NMNAT1: variants seen among roughly 807,000 people sequenced by gnomAD.
The protein encoded by NMNAT1 is nicotinamide/nicotinic acid mononucleotide adenylyltransferase 1.
In NMNAT1, 11 loss-of-function variants were observed where a neutral mutation model predicts 16.7. The observed-to-expected ratio is 0.66, with a 90% CI of 0.41 to 1.09. NMNAT1 has a LOEUF of 1.09. Among genes scored for constraint, NMNAT1 ranks in the 50% least tolerant of loss-of-function variants. The pLI is 0.00. For missense variants in NMNAT1, 280 were observed against 332.3 expected (o/e 0.84, Z 1.22); for synonymous variants, 110 against 119.8 (o/e 0.92, Z 0.53).
chr1:9,952,973 A>G (rs1246674613), intron 1 of NMNAT1, among the ~76,000 whole-genome samples: 1 of 151,766 alleles, frequency 6.6e-6, no homozygotes, highest in East Asian at 2.0e-4. Flanking sequence ...CCTTTGATAT[A>G]GATTGTATGC....
chr1:9,982,861 A>C lies in NMNAT1; in HGVS notation c.*160A>C. On this transcript the variant is annotated 3_prime_UTR_variant, in exon 5 of 5. Transcript: ENST00000377205. The stretch of plus-strand genomic sequence containing the variant: ...AGTGGCTCACGCCTGTAATCCCAGC[A>C]CTTTGGGAGGCTGAGGCAGGTGGAT... 1 of 682,094 alleles carries C rather than the reference A, an allele frequency of 1.5e-6. No homozygotes were observed. Among genetic ancestry groups the C allele is most frequent in the Non-Finnish European group, 2.4e-6 (1 of 423,592 alleles). The allele number at this position is 682,094 out of a possible 1,614,324, so 42.3% of individuals were successfully genotyped here.
intron 3 of NMNAT1, among the ~76,000 whole-genome samples, chr1:9,979,662 C>T (rs1435270374): frequency 2.0e-5 from 3 of 151,634 alleles, no homozygotes; most frequent in Non-Finnish European, 4.4e-5. Flanking sequence ...ATTAGCCGGG[C>T]GTGGTGGTGG....
chr1:9,981,245 T>A (rs1341446278), intron 4 of NMNAT1, 75 bp downstream of exon 4: 1 of 1,550,338 alleles, frequency 6.5e-7, no homozygotes, highest in East Asian at 2.3e-5. Context: ...TGTGTATTTT[T>A]TTTTTTTTAG....
chr1:9,986,397 G>A (rs1035393149), downstream of NMNAT1, among the ~76,000 whole-genome samples: 8 of 152,322 alleles, frequency 5.3e-5, no homozygotes, highest in African/African-American at 1.9e-4. Context: ...GAATGCTAGA[G>A]TCCAATTTGT....
chr1:9,959,942 A>G (rs1445287079), intron 1 of NMNAT1, among the ~76,000 whole-genome samples: 1 of 152,214 alleles, frequency 6.6e-6, no homozygotes, highest in African/African-American at 2.4e-5. Flanking sequence ...ACATAGCTAC[A>G]TGCTTAAAGT....
At chr1:9,980,857 C>T (rs1183169612) in intron 3 of NMNAT1, among the ~76,000 whole-genome samples, 174 bp from the exon 4 acceptor site, 3 of 151,614 alleles carry the variant, frequency 2.0e-5, no homozygotes, top group Non-Finnish European at 1.5e-5. Flanking sequence ...GGGGTTTCAC[C>T]GTGTTAGCCA....
At chr1:9,987,984 G>A (rs1280668579), downstream of NMNAT1, among the ~76,000 whole-genome samples, 1 of 152,032 alleles carries the variant, frequency 6.6e-6, no homozygotes, top group Non-Finnish European at 1.5e-5. Context: ...CTAGCATGAA[G>A]TATGGTTTTT....
intron 1 of NMNAT1, among the ~76,000 whole-genome samples, chr1:9,965,400 T>C (rs1641520347): frequency 6.6e-6 from 1 of 151,846 alleles, no homozygotes; most frequent in Admixed American, 6.6e-5. Flanking sequence ...CTTTTTAATT[T>C]TTATATTATT....
At chr1:9,996,169 G>C in the NMNAT1 span, among the ~76,000 whole-genome samples, 1 of 151,222 alleles carries the variant, frequency 6.6e-6, no homozygotes, top group East Asian at 1.9e-4. Flanking sequence ...AAGTTAGCCG[G>C]GCGTGTTGGC....
At chr1:9,978,570 T>C (rs948768447) in intron 3 of NMNAT1, among the ~76,000 whole-genome samples, 4 of 152,158 alleles carry the variant, frequency 2.6e-5, no homozygotes, top group Non-Finnish European at 5.9e-5. Flanking sequence ...AGGACTTCCT[T>C]TTCAGACTTG....
intron 1 of NMNAT1, among the ~76,000 whole-genome samples, chr1:9,957,413 C>T (rs148301514): frequency 9.3e-4 from 141 of 151,682 alleles, no homozygotes; most frequent in Non-Finnish European, 1.6e-3. Context: ...CTCCACCTCC[C>T]GGGTTCAAGC....
At chr1:9,977,745 C>G (rs1641846960) in intron 3 of NMNAT1, among the ~76,000 whole-genome samples, 1 of 151,960 alleles carries the variant, frequency 6.6e-6, no homozygotes, top group African/African-American at 2.4e-5. Flanking sequence ...GTAATCCCAG[C>G]TACTAGGGAG....
intron 3 of NMNAT1, among the ~76,000 whole-genome samples, chr1:9,980,191 C>T (rs572423590): frequency 6.6e-6 from 1 of 152,006 alleles, no homozygotes; most frequent in Admixed American, 6.6e-5. Flanking sequence ...CTTGGCCTCC[C>T]AAAGTGCTGG....
intron 2 of NMNAT1, among the ~76,000 whole-genome samples, chr1:9,973,434 G>A (rs186994901): frequency 1.9e-3 from 286 of 152,212 alleles, no homozygotes; most frequent in Middle Eastern, 6.8e-3. Context: ...GAGGCTGGGC[G>A]TGGTGGCTTA....
chr1:9,988,367 C>G (rs1358030577), downstream of NMNAT1, among the ~76,000 whole-genome samples: 1 of 151,990 alleles, frequency 6.6e-6, no homozygotes, highest in Non-Finnish European at 1.5e-5. Flanking sequence ...TAATTTTGCT[C>G]TCAAATGGAT....
chr1:9,989,036 A>T (rs145538125), downstream of NMNAT1, among the ~76,000 whole-genome samples: 1 of 152,242 alleles, frequency 6.6e-6, no homozygotes, highest in South Asian at 2.1e-4. Context: ...TGGGTCCCCA[A>T]TGAGGGCTCC....
chr1:9,947,979 T>C (rs1641017155), intron 1 of NMNAT1, among the ~76,000 whole-genome samples: 1 of 152,190 alleles, frequency 6.6e-6, no homozygotes, highest in South Asian at 2.1e-4. Context: ...AGAGAATGTG[T>C]TGTTTCTAAA....
intron 2 of NMNAT1, among the ~76,000 whole-genome samples, chr1:9,973,987 A>C (rs900925527): frequency 3.3e-5 from 5 of 151,774 alleles, no homozygotes; most frequent in Non-Finnish European, 5.9e-5. Flanking sequence ...ACAGGCACAC[A>C]GCACCATGCC....
At chr1:9,961,845 C>T (rs1407494742) in intron 1 of NMNAT1, among the ~76,000 whole-genome samples, 2 of 151,970 alleles carry the variant, frequency 1.3e-5, no homozygotes, top group African/African-American at 4.8e-5. Flanking sequence ...GATCTCGGCT[C>T]GCCGCAACCT....
Sources: gnomAD v4.1 joint callset for allele counts (sites outside exome capture counted in the v4.1 genomes callset) on GRCh38, gnomAD v4.1.1 for gene constraint, MANE v1.5 for transcripts, NCBI Gene and HGNC (gene_info 2026-07-23, HGNC 2026-07-21) for gene names.